The following SEZ6 variants were observed in gnomAD, a reference collection of about 807,000 sequenced individuals.
SEZ6 encodes seizure related 6 homolog, also known as seizure protein 6 homolog.
Under a neutral mutation model 101.0 loss-of-function variants are expected in SEZ6, and 53 were observed. The ratio of observed to expected loss-of-function variants is 0.52; its 90% CI spans 0.42 to 0.66. The LOEUF (loss-of-function observed/expected upper bound fraction) is 0.66, where lower values mean the gene tolerates loss of function less well. Among genes scored for constraint, SEZ6 ranks in the 30% least tolerant of loss-of-function variants. The pLI, the probability that SEZ6 is intolerant of heterozygous loss-of-function variation, is 0.00. For missense variants in SEZ6, 1,102 were observed against 1,289.4 expected (o/e 0.85, Z 2.23); for synonymous variants, 488 against 512.2 (o/e 0.95, Z 0.64).
chr17:28,964,558 G>T (rs766727036), intron 4 of SEZ6, among the ~76,000 whole-genome samples: 13 of 152,204 alleles, frequency 8.5e-5, no homozygotes, highest in Admixed American at 2.0e-4. Context: ...ATATCTTCAG[G>T]AAATGCTTAT....
At position 28,984,707 on chromosome 17, in the gene SEZ6, C is replaced by A. The variant is rs114234802; in HGVS notation, c.56-2668G>T. Reference sequence around the variant, plus strand: ...CCCACTGTCATAGAGGGTAAGATAACCTCTGGGAGACAAGCCATTTCTGGG... The same window carrying A: ...CCCACTGTCATAGAGGGTAAGATAAACTCTGGGAGACAAGCCATTTCTGGG... On this transcript the variant is annotated intron_variant, in intron 1 of 16. Coordinates refer to ENST00000317338, the MANE Select transcript of SEZ6 (RefSeq NM_178860.5). Among the ~76,000 whole-genome samples the A allele has an allele frequency of 8.4e-3, 1,272 of 152,332 alleles. 22 individuals are homozygous for A. Among genetic ancestry groups the A allele is most frequent in the African/African-American group, 0.029 (1,222 of 41,554 alleles).
intron 3 of SEZ6, among the ~76,000 whole-genome samples, chr17:28,974,027 T>C (rs775650111): frequency 5.9e-5 from 9 of 152,130 alleles, no homozygotes; most frequent in Non-Finnish European, 1.2e-4. Context: ...GTGGGAAGGA[T>C]TCAGGTTGTC....
intron 3 of SEZ6, among the ~76,000 whole-genome samples, chr17:28,978,936 G>A (rs2041260830): frequency 6.6e-6 from 1 of 152,040 alleles, no homozygotes; most frequent in Admixed American, 6.5e-5. Flanking sequence ...TGATGGGACT[G>A]GGGGAAGAGG....
chr17:28,964,913 G>C (rs540596266), intron 4 of SEZ6, among the ~76,000 whole-genome samples: 1 of 150,704 alleles, frequency 6.6e-6, no homozygotes, highest in East Asian at 2.0e-4. Context: ...AAAATTAGCC[G>C]GGCATGGTGG....
intron 11 of SEZ6, 77 bp downstream of exon 11, chr17:28,957,870 A>G (rs1048660300): frequency 7.4e-6 from 11 of 1,487,464 alleles, no homozygotes; most frequent in Non-Finnish European, 1.0e-5. Context: ...AATAACAGCT[A>G]CAGTCTGGTT....
chr17:28,991,560 T>C (rs2041458525), intron 1 of SEZ6, among the ~76,000 whole-genome samples: 1 of 152,142 alleles, frequency 6.6e-6, no homozygotes, highest in African/African-American at 2.4e-5. Context: ...GGAAAGTGCA[T>C]ATCCCTACCT....
chr17:28,958,419 G>A (rs2040918946), intron 10 of SEZ6, among the ~76,000 whole-genome samples: 2 of 152,196 alleles, frequency 1.3e-5, no homozygotes, highest in South Asian at 4.1e-4. Flanking sequence ...GGTAGGGTGA[G>A]GGAAATCGTC....
chr17:28,956,305 G>GT, intron 15 of SEZ6, 44 bp from the exon 16 acceptor site: 1 of 1,585,112 alleles, frequency 6.3e-7, no homozygotes, highest in South Asian at 1.1e-5. Context: ...CTGGGTAGGA[G>GT]TGAGGTATGC....
chr17:29,002,825 C>A (rs1382275115), intron 1 of SEZ6, among the ~76,000 whole-genome samples: 1 of 152,214 alleles, frequency 6.6e-6, no homozygotes, highest in African/African-American at 2.4e-5. Context: ...CGTTTGTTAA[C>A]CCTTGCAGCA....
At chr17:28,983,198 A>T (rs1332091290) in intron 1 of SEZ6, among the ~76,000 whole-genome samples, 1 of 152,214 alleles carries the variant, frequency 6.6e-6, no homozygotes, top group Non-Finnish European at 1.5e-5. Context: ...CAGTTTTCTC[A>T]TCTGTAAAAT....
At chr17:29,001,222 C>T (rs1283423465) in intron 1 of SEZ6, among the ~76,000 whole-genome samples, 1 of 152,216 alleles carries the variant, frequency 6.6e-6, no homozygotes, top group South Asian at 2.1e-4. Context: ...CATAGGCCCG[C>T]CTCCCCTTTC....
intron 1 of SEZ6, among the ~76,000 whole-genome samples, chr17:28,993,054 G>T (rs2041487615): frequency 6.6e-6 from 1 of 152,054 alleles, no homozygotes; most frequent in African/African-American, 2.4e-5. Flanking sequence ...GGGAGGGACT[G>T]ACCTTGAGGT....
At chr17:28,971,454 G>C (rs569390165) in intron 3 of SEZ6, among the ~76,000 whole-genome samples, 1 of 152,130 alleles carries the variant, frequency 6.6e-6, no homozygotes, top group Admixed American at 6.5e-5. Context: ...TTAGCTGGGC[G>C]TGGTGGCACA....
intron 1 of SEZ6, among the ~76,000 whole-genome samples, chr17:28,993,887 G>A (rs1471865933): frequency 6.6e-6 from 1 of 152,226 alleles, no homozygotes; most frequent in Non-Finnish European, 1.5e-5. Context: ...GCAGCCCCAA[G>A]CCTCTGTGGC....
Position 28,964,038 on chromosome 17 carries a change from C to G in SEZ6, c.1164G>C (p.Gln388His). ...AGGTGAGATGCCTGGCGCCCTTCAGCTGGTAGCCAGTGGCACAATGGAAGC... is the reference window on the plus strand; with the variant it reads ...AGGTGAGATGCCTGGCGCCCTTCAGGTGGTAGCCAGTGGCACAATGGAAGC... ...SARFHCATGYQLKGARHLTCL... is the reference protein window; with the variant it reads ...SARFHCATGYHLKGARHLTCL... The change falls in exon 5 of 17, where the codon CAG becomes CAC. Residue 388 changes from glutamine to histidine, a missense_variant. Around this residue, in one of 3 missense-constraint regions of SEZ6, gnomAD observed 556 missense variants for 735.1 expected, o/e 0.76. Coordinates refer to ENST00000317338, the MANE Select transcript of SEZ6 (RefSeq NM_178860.5). 6.2e-7 allele frequency: 1 copy of G among 1,611,112 alleles called. No individual in the cohort carries two copies.
chr17:29,003,404 C>T (rs910913450), intron 1 of SEZ6, among the ~76,000 whole-genome samples: 5 of 152,232 alleles, frequency 3.3e-5, no homozygotes, highest in South Asian at 2.1e-4. Context: ...GCCCTACCTC[C>T]GCAGCCTCGG....
chr17:29,005,927 G>A lies in SEZ6; in HGVS notation c.-58C>T, dbSNP rs2041684438. The A allele has an allele frequency of 2.2e-6, 3 of 1,370,900 alleles. No individual in the cohort carries two copies. The highest frequency in any genetic ancestry group is 3.0e-5 in the African/African-American group (2 of 66,132). 84.9% of individuals were successfully genotyped at this position (1,370,900 alleles called of 1,614,324 possible). A position where few individuals can be genotyped will look rare whatever the true frequency, so the allele number is the denominator to read the frequency against. ...CCGCGGCGGGAGGGCGGGGGGCTTG[G>A]TGGGGCTTGGGCGCGGGGGCAGAGC... On this transcript the variant is annotated 5_prime_UTR_variant, in exon 1 of 17. Coordinates refer to ENST00000317338, the MANE Select transcript of SEZ6 (RefSeq NM_178860.5). The surrounding 1 kb of genome is among the most constrained non-coding windows in gnomAD (Gnocchi z 4.8).
chr17:28,961,649 C>G (rs911594174), intron 5 of SEZ6, among the ~76,000 whole-genome samples: 1 of 152,232 alleles, frequency 6.6e-6, no homozygotes, highest in Admixed American at 6.5e-5. Flanking sequence ...GGGCTGTCCT[C>G]TCTTTCTAAG....
intron 1 of SEZ6, among the ~76,000 whole-genome samples, chr17:28,982,389 C>T (rs1679701907): frequency 6.6e-6 from 1 of 152,146 alleles, no homozygotes; most frequent in African/African-American, 2.4e-5. Flanking sequence ...AAATATTTGC[C>T]ATCCCTAATG....
Sources: gnomAD v4.1 joint callset for allele counts (sites outside exome capture counted in the v4.1 genomes callset) on GRCh38, gnomAD v4.1.1 for gene constraint, gnomAD v4.1.1 regional missense constraint, Gnocchi (gnomAD v3.1) non-coding constraint, MANE v1.5 for transcripts, NCBI Gene and HGNC (gene_info 2026-07-23, HGNC 2026-07-21) for gene names.